Variants in SLAIN1 observed in about 807,000 individuals in gnomAD.
The protein encoded by SLAIN1 is SLAIN motif-containing protein 1.
In SLAIN1, 17 loss-of-function variants were observed where a neutral mutation model predicts 55.4. The observed-to-expected ratio is 0.31, with a 90% CI of 0.21 to 0.46. The LOEUF (loss-of-function observed/expected upper bound fraction) is 0.46. SLAIN1 is among the 20% of genes least tolerant of loss of function. The probability of loss-of-function intolerance (pLI) is 1.00; values close to 1 mark genes in which losing one functional copy is unlikely to be tolerated. For synonymous variants in SLAIN1, 348 were observed against 337.4 expected (o/e 1.03, Z -0.35); for missense variants, 682 against 785.1 (o/e 0.87, Z 1.57).
chr13:77,744,057 A>G (rs1387253245), intron 2 of SLAIN1, among the ~76,000 whole-genome samples: 2 of 152,056 alleles, frequency 1.3e-5, no homozygotes, highest in African/African-American at 2.4e-5. Flanking sequence ...GTACATGGTG[A>G]CTTTTTAAAT....
chr13:77,714,755 G>A (rs903061456), intron 1 of SLAIN1, among the ~76,000 whole-genome samples: 2 of 152,028 alleles, frequency 1.3e-5, no homozygotes, highest in African/African-American at 4.8e-5. Context: ...ATATATACCC[G>A]GGAAATCATG....
At chr13:77,719,013 G>GAGAC (rs1379903812) in intron 1 of SLAIN1, among the ~76,000 whole-genome samples, 2 of 152,096 alleles carry the variant, frequency 1.3e-5, no homozygotes, top group Non-Finnish European at 2.9e-5. Context: ...GTATAGATTT[G>GAGAC]AGACAGGAGA....
chr13:77,720,542 A>G (rs748008971), intron 2 of SLAIN1, among the ~76,000 whole-genome samples: 5 of 152,240 alleles, frequency 3.3e-5, no homozygotes, highest in Non-Finnish European at 7.3e-5. Context: ...ATGTTTGGAC[A>G]TAAGACAAAG....
At chr13:77,726,058 C>T (rs1309856807) in intron 2 of SLAIN1, among the ~76,000 whole-genome samples, 1 of 152,104 alleles carries the variant, frequency 6.6e-6, no homozygotes, top group Non-Finnish European at 1.5e-5. Flanking sequence ...GACCCTGGAC[C>T]TAGATAACAA....
At chr13:77,746,364 G>A (rs1873810453) in intron 3 of SLAIN1, 150 bp from the exon 4 acceptor site, 1 of 654,838 alleles carries the variant, frequency 1.5e-6, no homozygotes, top group East Asian at 2.8e-5. Flanking sequence ...TATTGTCTTG[G>A]TAAACTTGTC....
Position 77,697,939 on chromosome 13 carries a change from C to T in SLAIN1, c.26C>T (p.Ala9Val). ...ATGATGGCGGAGCAGGTGAAATGCG[C>T]CTCGGCAGGGGTCAGCTCTGGAGCG... MMAEQVKC[A>V]SAGVSSGAGS... is the part of the protein sequence containing the mutation. Residue 9 changes from alanine (A) to valine (V), a missense_variant, in exon 1 of 7, where the codon GCC becomes GTC. Around this residue, in one of 3 missense-constraint regions of SLAIN1, gnomAD observed 401 missense variants for 417.3 expected, o/e 0.96. Transcript: ENST00000418532. The T allele has an allele frequency of 7.0e-7, 1 of 1,429,872 alleles. No homozygotes were observed. The highest frequency in any genetic ancestry group is 9.2e-7 in the Non-Finnish European group (1 of 1,083,056). 88.6% of individuals were successfully genotyped at this position (1,429,872 alleles called of 1,614,324 possible). A position where few individuals can be genotyped will look rare whatever the true frequency, so the allele number is the denominator to read the frequency against.
At chr13:77,706,824 A>G (rs917669980) in intron 1 of SLAIN1, among the ~76,000 whole-genome samples, 2 of 152,186 alleles carry the variant, frequency 1.3e-5, no homozygotes, top group Non-Finnish European at 2.9e-5. Context: ...ATAAAAGTCT[A>G]AGTTAACCTT....
intron 2 of SLAIN1, among the ~76,000 whole-genome samples, chr13:77,726,363 A>G (rs2091308134): frequency 1.3e-5 from 2 of 152,192 alleles, no homozygotes; most frequent in African/African-American, 4.8e-5. Flanking sequence ...GTATATTCCT[A>G]CAGATGACTA....
At chr13:77,753,628 A>G (rs1874397545) in intron 5 of SLAIN1, among the ~76,000 whole-genome samples, 2 of 152,144 alleles carry the variant, frequency 1.3e-5, no homozygotes, top group African/African-American at 4.8e-5. Context: ...ATAATAGTAA[A>G]TTGTTATTTG....
At chr13:77,712,420 CTAA>C (rs553008759) in intron 1 of SLAIN1, among the ~76,000 whole-genome samples, 10 of 151,926 alleles carry the variant, frequency 6.6e-5, no homozygotes, top group East Asian at 1.9e-4. Flanking sequence ...TTTCTATACA[CTAA>C]TAATGAACAG....
At chr13:77,753,073 C>CT (rs1874351628) in intron 4 of SLAIN1, 130 bp from the exon 5 acceptor site, 8 of 863,162 alleles carry the variant, frequency 9.3e-6, no homozygotes, top group Non-Finnish European at 1.3e-5. Flanking sequence ...GGTTAGAAAG[C>CT]TTGATCATCA....
chr13:77,740,197 T>C (rs1241564425), intron 2 of SLAIN1, among the ~76,000 whole-genome samples: 2 of 152,208 alleles, frequency 1.3e-5, no homozygotes, highest in African/African-American at 4.8e-5. Flanking sequence ...GGTACTTTAA[T>C]TGATGAGAGT....
chr13:77,761,880 G>A (rs1875051870), intron 6 of SLAIN1, among the ~76,000 whole-genome samples: 1 of 151,828 alleles, frequency 6.6e-6, no homozygotes, highest in Non-Finnish European at 1.5e-5. Context: ...TGGTAGATGA[G>A]GAAATAAAGA....
At chr13:77,731,888 T>G (rs1872883856) in intron 2 of SLAIN1, among the ~76,000 whole-genome samples, 1 of 152,104 alleles carries the variant, frequency 6.6e-6, no homozygotes, top group African/African-American at 2.4e-5. Context: ...ATTATGTAAT[T>G]GTATTGAAAT....
At chr13:77,703,031 C>T (rs1280636463) in intron 1 of SLAIN1, among the ~76,000 whole-genome samples, 1 of 151,992 alleles carries the variant, frequency 6.6e-6, no homozygotes, top group South Asian at 2.1e-4. Flanking sequence ...CACACCTCAA[C>T]CAGGAAGATG....
intron 1 of SLAIN1, among the ~76,000 whole-genome samples, chr13:77,716,422 CTG>C (rs2091208368): frequency 6.6e-6 from 1 of 151,510 alleles, no homozygotes; most frequent in Non-Finnish European, 1.5e-5. Flanking sequence ...AAAAAGCTTG[CTG>C]GAATTTCTAT....
At chr13:77,760,519 A>T (rs1874930951) in intron 5 of SLAIN1, among the ~76,000 whole-genome samples, 2 of 152,208 alleles carry the variant, frequency 1.3e-5, no homozygotes, top group African/African-American at 2.4e-5. Flanking sequence ...TCTAGCAAGC[A>T]AACGGGGAAG....
chr13:77,739,405 A>G (rs894640166), intron 2 of SLAIN1, among the ~76,000 whole-genome samples: 2 of 152,090 alleles, frequency 1.3e-5, no homozygotes, highest in East Asian at 1.9e-4. Flanking sequence ...TCCAAGTCTT[A>G]TATTAGGTAC....
intron 1 of SLAIN1, among the ~76,000 whole-genome samples, chr13:77,716,565 A>T (rs1381935042): frequency 6.6e-6 from 1 of 152,118 alleles, no homozygotes; most frequent in Non-Finnish European, 1.5e-5. Context: ...TGTAGTCTTC[A>T]GTGTTCAGGT....
Sources: gnomAD v4.1 joint callset for allele counts (sites outside exome capture counted in the v4.1 genomes callset) on GRCh38, gnomAD v4.1.1 for gene constraint, gnomAD v4.1.1 regional missense constraint, MANE v1.5 for transcripts, NCBI Gene and HGNC (gene_info 2026-07-23, HGNC 2026-07-21) for gene names.